MAGI2: variants seen among roughly 807,000 people sequenced by gnomAD.
The protein encoded by MAGI2 is membrane associated guanylate kinase, WW and PDZ domain containing 2.
Under a neutral mutation model 133.3 loss-of-function variants are expected in MAGI2, and 35 were observed. The observed-to-expected ratio is 0.26, with a 90% CI of 0.20 to 0.35. The LOEUF is 0.35. Ranked by LOEUF, MAGI2 falls within the 10% of genes least tolerant of loss-of-function variation. The pLI is 1.00. For synonymous variants in MAGI2, 729 were observed against 710.6 expected (o/e 1.03, Z -0.41); for missense variants, 1,636 against 1,863.4 (o/e 0.88, Z 2.25).
chr7:78,414,695 T>G (rs1347645076), intron 6 of MAGI2, among the ~76,000 whole-genome samples: 2 of 151,942 alleles, frequency 1.3e-5, no homozygotes, highest in Non-Finnish European at 2.9e-5. Context: ...TTAGAAGAGG[T>G]AGAAATATAC....
At chr7:79,103,425 G>T (rs1818164491) in intron 1 of MAGI2, among the ~76,000 whole-genome samples, 1 of 151,956 alleles carries the variant, frequency 6.6e-6, no homozygotes, top group Admixed American at 6.6e-5. Flanking sequence ...TAAAGCATAG[G>T]GTTGATTGTA....
chr7:79,193,805 A>G (rs962163042), intron 1 of MAGI2, among the ~76,000 whole-genome samples: 20 of 151,742 alleles, frequency 1.3e-4, no homozygotes, highest in African/African-American at 4.9e-4. Context: ...TAGAGTTTTT[A>G]TTACAACAGG....
At chr7:79,391,522 TATATATATATATATAGAC>T (rs1844630765) in intron 1 of MAGI2, among the ~76,000 whole-genome samples, 1 of 54,216 alleles carries the variant, frequency 1.8e-5, no homozygotes, top group Non-Finnish European at 2.9e-5. Flanking sequence ...TATATATATA[TATATATATATATATAGAC>T]ATATATATAT....
chr7:78,381,130 T>C (rs1346897593), intron 6 of MAGI2, among the ~76,000 whole-genome samples: 1 of 152,144 alleles, frequency 6.6e-6, no homozygotes, highest in African/African-American at 2.4e-5. Context: ...GCGGACCACT[T>C]GAGGTCAGGA....
At chr7:78,434,912 T>C (rs868814347) in intron 6 of MAGI2, among the ~76,000 whole-genome samples, 1 of 152,278 alleles carries the variant, frequency 6.6e-6, no homozygotes, top group South Asian at 2.1e-4. Context: ...GCTGGCTGGC[T>C]GGCTGGCCAT....
At chr7:78,447,875 C>T (rs540797404) in intron 6 of MAGI2, among the ~76,000 whole-genome samples, 2 of 152,166 alleles carry the variant, frequency 1.3e-5, no homozygotes, top group Admixed American at 6.5e-5. Context: ...CTTATTCCTC[C>T]GAACTGCAAC....
intron 1 of MAGI2, among the ~76,000 whole-genome samples, chr7:79,396,813 C>T (rs888410022): frequency 2.0e-5 from 3 of 152,078 alleles, no homozygotes; most frequent in South Asian, 2.1e-4. Flanking sequence ...TAAACATTTA[C>T]GTGATTCATA....
intron 1 of MAGI2, among the ~76,000 whole-genome samples, chr7:79,397,166 T>C (rs1245516367): frequency 6.7e-6 from 1 of 149,198 alleles, no homozygotes; most frequent in Non-Finnish European, 1.5e-5. Flanking sequence ...TTATTATTTA[T>C]ATTATATATA....
At chr7:78,269,728 C>A (rs1323327294) in intron 9 of MAGI2, among the ~76,000 whole-genome samples, 2 of 152,260 alleles carry the variant, frequency 1.3e-5, no homozygotes, top group East Asian at 3.9e-4. Context: ...GTTGCCTGTT[C>A]ACCCTGATGA....
intron 2 of MAGI2, among the ~76,000 whole-genome samples, chr7:78,654,676 ATTAT>A (rs1269744395): frequency 1.5e-5 from 2 of 135,712 alleles, no homozygotes; most frequent in East Asian, 4.4e-4. Context: ...ACTCTTTGTA[ATTAT>A]TTGTGTGTAC....
Position 78,199,063 on chromosome 7 carries a change from T to A in MAGI2, c.2079+2099A>T, listed in dbSNP as rs1828998948. Among the ~76,000 whole-genome samples the A allele has an allele frequency of 3.9e-5, 6 of 152,272 alleles. No homozygotes were observed. The South Asian group carries it at 1.0e-3, about 26-fold the overall frequency. On this transcript the variant is annotated intron_variant, in intron 11 of 21. Transcript: ENST00000354212. The stretch of plus-strand genomic sequence containing the variant: ...CATTTCCTTATTCTGACCCAAGATA[T>A]CATCAATACTCTACTTAGCGTCTTC...
At chr7:79,220,761 C>G (rs767963560) in intron 1 of MAGI2, among the ~76,000 whole-genome samples, 10 of 152,082 alleles carry the variant, frequency 6.6e-5, no homozygotes, top group Non-Finnish European at 1.3e-4. Context: ...TGTGTCTTAA[C>G]AAGCACACTG....
intron 1 of MAGI2, among the ~76,000 whole-genome samples, chr7:79,117,890 G>A (rs1362624276): frequency 1.3e-5 from 2 of 152,132 alleles, no homozygotes; most frequent in African/African-American, 4.8e-5. Flanking sequence ...TTCTAAACAT[G>A]AGCCATAACT....
chr7:78,112,160 C>G (rs1819424724), intron 20 of MAGI2, among the ~76,000 whole-genome samples: 1 of 152,222 alleles, frequency 6.6e-6, no homozygotes, highest in African/African-American at 2.4e-5. Context: ...GATTGCACTG[C>G]TTTCCTGTGT....
chr7:79,138,801 C>T (rs905221912), intron 1 of MAGI2, among the ~76,000 whole-genome samples: 6 of 151,894 alleles, frequency 4.0e-5, no homozygotes, highest in Admixed American at 1.3e-4. Flanking sequence ...GTCAGGAGAT[C>T]GAGACCATCC....
At chr7:78,480,869 C>T (rs909044707) in intron 6 of MAGI2, among the ~76,000 whole-genome samples, 10 of 151,764 alleles carry the variant, frequency 6.6e-5, no homozygotes, top group African/African-American at 2.4e-4. Context: ...ACAAAACGTG[C>T]CATATATTTT....
intron 6 of MAGI2, among the ~76,000 whole-genome samples, chr7:78,455,423 T>C (rs1789204673): frequency 6.6e-6 from 1 of 152,152 alleles, no homozygotes; most frequent in Non-Finnish European, 1.5e-5. Flanking sequence ...TAAACATACC[T>C]TGCTTCTAGC....
intron 3 of MAGI2, among the ~76,000 whole-genome samples, chr7:78,550,130 G>A (rs188282370): frequency 7.6e-4 from 115 of 152,262 alleles, no homozygotes; most frequent in Non-Finnish European, 1.4e-3. Flanking sequence ...TATCTGCCTC[G>A]ATCTTGGACT....
At chr7:78,435,015 T>A (rs1800147587) in intron 6 of MAGI2, among the ~76,000 whole-genome samples, 1 of 152,076 alleles carries the variant, frequency 6.6e-6, no homozygotes, top group Non-Finnish European at 1.5e-5. Context: ...CCTCACAAGT[T>A]TAAGAGCTTG....
Sources: gnomAD v4.1 joint callset for allele counts (sites outside exome capture counted in the v4.1 genomes callset) on GRCh38, gnomAD v4.1.1 for gene constraint, MANE v1.5 for transcripts, NCBI Gene and HGNC (gene_info 2026-07-23, HGNC 2026-07-21) for gene names.